The following NBAS variants were observed in gnomAD, a reference collection of about 807,000 sequenced individuals.
NBAS encodes NAG/BC035112 fusion.
Under a neutral mutation model 302.5 loss-of-function variants are expected in NBAS, and 219 were observed. The observed-to-expected ratio is 0.72, with a 90% CI of 0.65 to 0.81. The LOEUF (loss-of-function observed/expected upper bound fraction) is 0.81, where lower values mean the gene tolerates loss of function less well. Among genes scored for constraint, NBAS ranks in the 30% least tolerant of loss-of-function variants. The pLI is 0.00. For synonymous variants in NBAS, 1,118 were observed against 1,021.6 expected (o/e 1.09, Z -1.80); for missense variants, 2,932 against 2,841.6 (o/e 1.03, Z -0.72).
At chr2:14,789,544 T>C in the NBAS span, among the ~76,000 whole-genome samples, 2 of 152,230 alleles carry the variant, frequency 1.3e-5, no homozygotes, top group Non-Finnish European at 2.9e-5. Context: ...TTGATAGAAA[T>C]GTTTTAATAC....
intron 13 of NBAS, among the ~76,000 whole-genome samples, chr2:15,477,823 G>A (rs948164368): frequency 1.3e-5 from 2 of 152,028 alleles, no homozygotes; most frequent in African/African-American, 4.8e-5. Flanking sequence ...TATGCTCATT[G>A]TAAAAAAGAA....
At chr2:14,821,739 G>C in the NBAS span, among the ~76,000 whole-genome samples, 1 of 152,050 alleles carries the variant, frequency 6.6e-6, no homozygotes, top group African/African-American at 2.4e-5. Flanking sequence ...TGGGCTGGGC[G>C]CGATGGCTTA....
At chr2:14,801,485 T>A in the NBAS span, among the ~76,000 whole-genome samples, 2 of 152,172 alleles carry the variant, frequency 1.3e-5, no homozygotes, top group African/African-American at 4.8e-5. Context: ...TAGTTTTTAT[T>A]TCTAGAAATT....
chr2:15,490,010 G>T (rs529083224), intron 11 of NBAS, among the ~76,000 whole-genome samples: 2 of 152,134 alleles, frequency 1.3e-5, no homozygotes, highest in Admixed American at 1.3e-4. Flanking sequence ...GATGACAACA[G>T]AACTTGGTAG....
At chr2:15,351,306 CAA>C (rs1165052090) in intron 35 of NBAS, among the ~76,000 whole-genome samples, 2 of 152,012 alleles carry the variant, frequency 1.3e-5, no homozygotes, top group Non-Finnish European at 2.9e-5. Context: ...AAAACAAAAA[CAA>C]AAGTCACAAA....
intron 21 of NBAS, among the ~76,000 whole-genome samples, chr2:15,456,621 A>G (rs1679258715): frequency 6.6e-6 from 1 of 152,234 alleles, no homozygotes. Flanking sequence ...ACGAATGCCT[A>G]CTTTCCAGGC....
chr2:15,302,369 A>G lies in NBAS; in HGVS notation c.4797+5847T>C, dbSNP rs548167005. The stretch of plus-strand genomic sequence containing the variant: ...AGGCTACCAGAGAGCACCTCTTTCC[A>G]TCTGGAGCAGCTGAAAGGTTAGAAA... On this transcript the variant is annotated intron_variant, in intron 40 of 51. Coordinates refer to ENST00000281513, the MANE Select transcript of NBAS (RefSeq NM_015909.4). Among the ~76,000 whole-genome samples, 3 of 152,304 alleles carry G rather than the reference A, an allele frequency of 2.0e-5. No individual in the cohort carries two copies. The East Asian group carries it at 5.8e-4, about 29-fold the overall frequency.
intron 29 of NBAS, 60 bp from the exon 30 acceptor site, chr2:15,379,891 A>C: frequency 6.7e-7 from 1 of 1,484,348 alleles, no homozygotes; most frequent in Non-Finnish European, 9.4e-7. Flanking sequence ...TCTCAGTGAA[A>C]TGAAGGCTCT....
At chr2:14,987,901 C>T in the NBAS span, among the ~76,000 whole-genome samples, 322 of 152,176 alleles carry the variant, frequency 2.1e-3, 3 homozygotes, top group African/African-American at 7.5e-3. Flanking sequence ...TGTCTTACCC[C>T]GGTATTCAAA....
chr2:14,799,920 G>A, the NBAS span, among the ~76,000 whole-genome samples: 2 of 152,178 alleles, frequency 1.3e-5, no homozygotes, highest in East Asian at 1.9e-4. Context: ...TTTTACCATT[G>A]TTTTGTGTTT....
At chr2:14,937,506 G>A in the NBAS span, among the ~76,000 whole-genome samples, 1 of 152,166 alleles carries the variant, frequency 6.6e-6, no homozygotes, top group African/African-American at 2.4e-5. Context: ...TACTTGCACT[G>A]CAGCTGAAGA....
the NBAS span, among the ~76,000 whole-genome samples, chr2:14,921,979 ACTAT>A: frequency 6.6e-6 from 1 of 152,178 alleles, no homozygotes; most frequent in Non-Finnish European, 1.5e-5. Flanking sequence ...GCATGTACTG[ACTAT>A]CTACCACATG....
At chr2:14,838,052 GGTTT>G in the NBAS span, among the ~76,000 whole-genome samples, 19 of 151,844 alleles carry the variant, frequency 1.3e-4, no homozygotes, top group South Asian at 2.1e-4. Flanking sequence ...AACTGGAGCT[GGTTT>G]GTTTGTTTGT....
intron 40 of NBAS, among the ~76,000 whole-genome samples, chr2:15,300,909 G>C (rs1003177446): frequency 1.7e-4 from 26 of 152,316 alleles, no homozygotes; most frequent in African/African-American, 6.0e-4. Flanking sequence ...CATGTGCACA[G>C]AGGCACAACA....
At chr2:15,050,099 C>A in the NBAS span, among the ~76,000 whole-genome samples, 1 of 152,174 alleles carries the variant, frequency 6.6e-6, no homozygotes, top group African/African-American at 2.4e-5. Context: ...TGTGAGTTAA[C>A]CAGAAATCTA....
chr2:15,136,369 A>C, the NBAS span, among the ~76,000 whole-genome samples: 2 of 152,216 alleles, frequency 1.3e-5, no homozygotes, highest in African/African-American at 4.8e-5. Flanking sequence ...CATATAGCAA[A>C]TATGCTGTGG....
At chr2:15,442,148 C>G (rs1253210510) in intron 21 of NBAS, among the ~76,000 whole-genome samples, 1 of 127,394 alleles carries the variant, frequency 7.8e-6, no homozygotes, top group Non-Finnish European at 1.7e-5. Flanking sequence ...AGCTCTGCAC[C>G]AAGCGGACCT....
At chr2:15,354,150 G>T (rs1673503610) in intron 33 of NBAS, among the ~76,000 whole-genome samples, 1 of 152,152 alleles carries the variant, frequency 6.6e-6, no homozygotes, top group Non-Finnish European at 1.5e-5. Context: ...CTCTTGGGTT[G>T]TTGAAGGAAT....
chr2:14,885,534 G>A, the NBAS span, among the ~76,000 whole-genome samples: 194 of 152,246 alleles, frequency 1.3e-3, no homozygotes, highest in Non-Finnish European at 1.9e-3. Flanking sequence ...TTACGAGTCC[G>A]GAGTTGAGTA....
Sources: allele counts gnomAD v4.1 joint callset (sites outside exome capture counted in the v4.1 genomes callset), GRCh38; gene constraint gnomAD v4.1.1; transcripts MANE v1.5; gene names NCBI Gene and HGNC (gene_info 2026-07-23, HGNC 2026-07-21).